CCDC149: variants seen among roughly 807,000 people sequenced by gnomAD.
The protein encoded by CCDC149 is coiled-coil domain containing 149, also known as coiled-coil domain-containing protein 149.
Under a neutral mutation model 59.9 loss-of-function variants are expected in CCDC149, and 45 were observed. The ratio of observed to expected loss-of-function variants is 0.75; its 90% confidence interval spans 0.59 to 0.96. The LOEUF (loss-of-function observed/expected upper bound fraction) is 0.96, where lower values mean the gene tolerates loss of function less well. Ranked by LOEUF, CCDC149 falls within the 40% of genes least tolerant of loss-of-function variation. The pLI is 0.00. For synonymous variants in CCDC149, 245 were observed against 260.6 expected (o/e 0.94, Z 0.58); for missense variants, 584 against 664.7 (o/e 0.88, Z 1.33).
At chr4:24,866,379 A>G (rs764121909) in intron 3 of CCDC149, among the ~76,000 whole-genome samples, 1 of 152,160 alleles carries the variant, frequency 6.6e-6, no homozygotes, top group Non-Finnish European at 1.5e-5. Context: ...CACCGGGAAA[A>G]TGTACCTCTG....
chr4:24,913,772 C>T (rs1560254543), upstream of CCDC149, among the ~76,000 whole-genome samples: 1 of 152,092 alleles, frequency 6.6e-6, no homozygotes, highest in African/African-American at 2.4e-5. Context: ...AGTGACACAC[C>T]CCCTCTTTAC....
chr4:24,874,906 C>T (rs1719313197), intron 2 of CCDC149, among the ~76,000 whole-genome samples: 1 of 152,168 alleles, frequency 6.6e-6, no homozygotes, highest in Non-Finnish European at 1.5e-5. Context: ...GCATCTTAAA[C>T]GTTTTGCCAT....
intron 4 of CCDC149, among the ~76,000 whole-genome samples, chr4:24,846,643 G>T (rs1200054540): frequency 6.6e-6 from 1 of 152,128 alleles, no homozygotes; most frequent in Non-Finnish European, 1.5e-5. Flanking sequence ...TTCACAGAAG[G>T]TCTCTATCAT....
chr4:24,835,790 C>T (rs988711079), intron 7 of CCDC149, among the ~76,000 whole-genome samples: 4 of 152,128 alleles, frequency 2.6e-5, no homozygotes, highest in African/African-American at 7.2e-5. Context: ...AGCATCTAGA[C>T]GGCTGTAAAA....
chr4:24,893,613 C>CTATTTTTTTTTTTTTTTTTTTTTT (rs1720656007), intron 1 of CCDC149, among the ~76,000 whole-genome samples: 1 of 65,876 alleles, frequency 1.5e-5, no homozygotes. Flanking sequence ...AAAATACAGA[C>CTATTTTTTTTTTTTTTTTTTTTTT]TTTTTTTTTT....
chr4:24,869,070 A>G (rs936806284), intron 3 of CCDC149, among the ~76,000 whole-genome samples: 1 of 152,226 alleles, frequency 6.6e-6, no homozygotes, highest in Non-Finnish European at 1.5e-5. Context: ...TGCGATTGCT[A>G]TGATCTGTCC....
At position 24,807,752 on chromosome 4, in the gene CCDC149, CG is replaced by C. The variant is rs967600611; in HGVS notation, c.*636del. ...TGGCACTCAGCACACAGGCCTCAAC[CG>C]GGGCTGTGGATTTCAACCCAGAAGC... On this transcript the variant is annotated 3_prime_UTR_variant, in exon 13 of 13. Transcript: ENST00000635206. 1 of 152,304 alleles carries C rather than the reference CG, an allele frequency of 6.6e-6. No individual in the cohort carries two copies. The highest frequency in any genetic ancestry group is 1.5e-5 in the Non-Finnish European group (1 of 68,150). The allele number at this position is 152,304 out of a possible 1,614,324, so 9.4% of individuals were successfully genotyped here.
intron 1 of CCDC149, among the ~76,000 whole-genome samples, chr4:24,881,305 C>T (rs6820765): frequency 0.018 from 2,689 of 152,278 alleles, 82 homozygotes; most frequent in African/African-American, 0.061. Flanking sequence ...TTGGGTAAAG[C>T]AGAAACATGG....
At chr4:24,872,971 C>A (rs1378318052) in intron 3 of CCDC149, among the ~76,000 whole-genome samples, 1 of 79,428 alleles carries the variant, frequency 1.3e-5, no homozygotes, top group African/African-American at 3.9e-5. Context: ...ATGGTATGCA[C>A]CCGCAGAATG....
intron 1 of CCDC149, among the ~76,000 whole-genome samples, chr4:24,950,632 C>G (rs1467667170): frequency 6.6e-6 from 1 of 152,254 alleles, no homozygotes; most frequent in African/African-American, 2.4e-5. Context: ...TTCTCCAATC[C>G]TCAGTGTTCT....
chr4:24,866,290 G>A (rs16876258), intron 3 of CCDC149, among the ~76,000 whole-genome samples: 3,913 of 152,162 alleles, frequency 0.026, 160 homozygotes, highest in African/African-American at 0.089. Flanking sequence ...GATACCTTTC[G>A]TGGTACGTCT....
chr4:24,909,945 G>A lies in CCDC149; in HGVS notation c.63+2872C>T, dbSNP rs565287192. Among the ~76,000 whole-genome samples the A allele has an allele frequency of 1.5e-3, 223 of 152,294 alleles. 1 individual carries two copies. Among genetic ancestry groups the A allele is most frequent in the Non-Finnish European group, 2.4e-3 (160 of 68,036 alleles). On this transcript the variant is annotated intron_variant, in intron 1 of 12. Coordinates refer to ENST00000635206, the MANE Select transcript of CCDC149 (RefSeq NM_001330643.2). Reference sequence around the variant, plus strand: ...CTCTCTTTCTTTTGTAAATCACCCAGTCTCAGGTATGTCTTTATAAGCAGC... The same window carrying A: ...CTCTCTTTCTTTTGTAAATCACCCAATCTCAGGTATGTCTTTATAAGCAGC...
At chr4:24,967,935 T>TG (rs1182908344) in intron 1 of CCDC149, among the ~76,000 whole-genome samples, 1 of 152,076 alleles carries the variant, frequency 6.6e-6, no homozygotes, top group Non-Finnish European at 1.5e-5. Context: ...AGGCCCACCA[T>TG]GGTGAAGCAG....
chr4:24,848,905 G>A (rs1440759461), intron 4 of CCDC149, among the ~76,000 whole-genome samples: 1 of 152,172 alleles, frequency 6.6e-6, no homozygotes, highest in Non-Finnish European at 1.5e-5. Context: ...AAGACATGAA[G>A]AGAAATGGGC....
intron 3 of CCDC149, among the ~76,000 whole-genome samples, chr4:24,871,614 TTCTC>T (rs368515161): frequency 2.4e-4 from 36 of 150,774 alleles, no homozygotes; most frequent in Admixed American, 6.6e-5. Flanking sequence ...TGCTCTCTCA[TTCTC>T]TCTCTCTCTC....
At chr4:24,911,915 T>G (rs895963331) in intron 1 of CCDC149, among the ~76,000 whole-genome samples, 30 of 152,332 alleles carry the variant, frequency 2.0e-4, no homozygotes, top group African/African-American at 7.0e-4. Flanking sequence ...AAGCCCCAAG[T>G]TGGCCTTGGC....
rs1336907655 is a variant in CCDC149 at position 24,806,162 on chromosome 4, G to A, written c.*2227C>T. On this transcript the variant is annotated 3_prime_UTR_variant, in exon 13 of 13. Transcript: ENST00000635206. ...AATGTCTGTGGAACAGAAGAACCAT[G>A]TTGGATGGGGAAAGCAGGGGCAGGA... 6.6e-6 allele frequency: 1 copy of A among 152,188 alleles called. No individual in the cohort carries two copies. The highest frequency in any genetic ancestry group is 2.4e-5 in the African/African-American group (1 of 41,430). The allele number at this position is 152,188 out of a possible 1,614,324, so 9.4% of individuals were successfully genotyped here. A position where few individuals can be genotyped will look rare whatever the true frequency, so the allele number is the denominator to read the frequency against.
intron 1 of CCDC149, among the ~76,000 whole-genome samples, chr4:24,905,869 G>C (rs1434544275): frequency 1.3e-5 from 2 of 152,162 alleles, no homozygotes; most frequent in Non-Finnish European, 2.9e-5. Flanking sequence ...GAGCAGATGT[G>C]ATATGTACAA....
intron 1 of CCDC149, among the ~76,000 whole-genome samples, chr4:24,974,059 TAAACAAACGCCTG>T (rs1389162918): frequency 2.0e-5 from 3 of 152,180 alleles, no homozygotes; most frequent in Non-Finnish European, 2.9e-5. Context: ...GGTGCGCAAA[TAAACAAACGCCTG>T]GAACAAATCC....
Sources: allele counts gnomAD v4.1 joint callset (sites outside exome capture counted in the v4.1 genomes callset), GRCh38; gene constraint gnomAD v4.1.1; transcripts MANE v1.5; gene names NCBI Gene and HGNC (gene_info 2026-07-23, HGNC 2026-07-21).